ZYG11B: variants seen among roughly 807,000 people sequenced by gnomAD.
ZYG11B encodes the protein zyg-11 family member B, cell cycle regulator, also known as protein zyg-11 homolog B.
ZYG11B carries 36 observed loss-of-function variants against 82.4 expected under a neutral mutation model. The observed-to-expected ratio is 0.44, with a 90% confidence interval of 0.33 to 0.58. ZYG11B has a LOEUF of 0.58. Among genes scored for constraint, ZYG11B ranks in the 20% least tolerant of loss-of-function variants. The probability of loss-of-function intolerance (pLI) is 0.02; values close to 1 mark genes in which losing one functional copy is unlikely to be tolerated. For synonymous variants in ZYG11B, 303 were observed against 312.8 expected (o/e 0.97, Z 0.33); for missense variants, 552 against 895.6 (o/e 0.62, Z 4.90).
At position 52,824,256 on chromosome 1, in the gene ZYG11B, T is replaced by A. The variant is rs1396075377; in HGVS notation, c.*2627T>A. On this transcript the variant is annotated 3_prime_UTR_variant, in exon 14 of 14. Coordinates refer to ENST00000294353, the MANE Select transcript of ZYG11B (RefSeq NM_024646.3). ...ACTGCAGCCTCTTGGGCTTATGTGA[T>A]CTTACCCCCTCAGCCTCTGGAGTAG... 6.6e-6 allele frequency: 1 copy of A among 152,228 alleles called. No individual in the cohort carries two copies. The highest frequency in any genetic ancestry group is 2.4e-5 in the African/African-American group (1 of 41,460). 9.4% of individuals were successfully genotyped at this position (152,228 alleles called of 1,614,324 possible). A position where few individuals can be genotyped will look rare whatever the true frequency, so the allele number is the denominator to read the frequency against.
chr1:52,809,367 T>G (rs1302987307), intron 10 of ZYG11B, among the ~76,000 whole-genome samples: 1 of 152,138 alleles, frequency 6.6e-6, no homozygotes, highest in Non-Finnish European at 1.5e-5. Context: ...CACCATTCTA[T>G]TTTCTGTCTC....
At chr1:52,796,475 G>T (rs1011727037) in intron 7 of ZYG11B, 84 bp downstream of exon 7, 3 of 1,183,754 alleles carry the variant, frequency 2.5e-6, no homozygotes, top group Non-Finnish European at 3.7e-6. Flanking sequence ...CTGTGTGCCA[G>T]AAACATTAGT....
chr1:52,765,764 A>G (rs1414410359), intron 2 of ZYG11B, among the ~76,000 whole-genome samples: 1 of 151,962 alleles, frequency 6.6e-6, no homozygotes, highest in African/African-American at 2.4e-5. Context: ...CATCCTCCCA[A>G]AGTACTGGGA....
chr1:52,791,549 A>T (rs1396327149), intron 6 of ZYG11B, among the ~76,000 whole-genome samples: 1 of 150,402 alleles, frequency 6.6e-6, no homozygotes, highest in African/African-American at 2.4e-5. Context: ...TTGTATTTTT[A>T]GTAGAGATGG....
At chr1:52,803,121 C>CATATATATATATATAT (rs1183952286) in intron 10 of ZYG11B, among the ~76,000 whole-genome samples, 1 of 52,542 alleles carries the variant, frequency 1.9e-5, no homozygotes, top group Non-Finnish European at 3.2e-5. Flanking sequence ...TATATATACA[C>CATATATATATATATAT]ACATATATAT....
intron 10 of ZYG11B, among the ~76,000 whole-genome samples, chr1:52,807,885 A>G (rs1173865573): frequency 6.6e-6 from 1 of 152,158 alleles, no homozygotes; most frequent in Non-Finnish European, 1.5e-5. Flanking sequence ...GACTGAAAAC[A>G]TCTTTACTTA....
At chr1:52,812,024 A>G (rs7528327) in intron 10 of ZYG11B, among the ~76,000 whole-genome samples, 5,638 of 151,950 alleles carry the variant, frequency 0.037, 324 homozygotes, top group African/African-American at 0.13. Context: ...GCGAGACTCC[A>G]TCTAAAAAAA....
chr1:52,820,660 C>T (rs1645275014), intron 13 of ZYG11B, among the ~76,000 whole-genome samples: 1 of 143,096 alleles, frequency 7.0e-6, no homozygotes, highest in Non-Finnish European at 1.5e-5. Context: ...ATGATCACAC[C>T]ACTGGGCATG....
At chr1:52,783,615 T>C (rs1325832239) in intron 4 of ZYG11B, among the ~76,000 whole-genome samples, 2 of 149,442 alleles carry the variant, frequency 1.3e-5, no homozygotes, top group Non-Finnish European at 3.0e-5. Flanking sequence ...TCTTTCTTTT[T>C]TTTTTTTTTT....
In ZYG11B at chr1:52,743,798, C is replaced by T. The variant is rs573750782; in HGVS notation, c.31-12660C>T. ...AATAGTGTGCAGTAATGTCCTAGGC[C>T]TTCACATTCACTATCACTGATTCAA... is the stretch of plus-strand genomic sequence containing the variant. On this transcript the variant is annotated intron_variant, in intron 1 of 13. Transcript: ENST00000294353. Among the ~76,000 whole-genome samples, 34 of 152,256 alleles carry T rather than the reference C, an allele frequency of 2.2e-4. 1 individual carries two copies. The South Asian group carries it at 6.8e-3, about 31-fold the overall frequency.
chr1:52,771,906 A>G lies in ZYG11B; in HGVS notation c.951+132A>G. On this transcript the variant is annotated intron_variant, in intron 3 of 13. Transcript: ENST00000294353. The surrounding 1 kb of genome is among the most constrained non-coding windows in gnomAD (Gnocchi z 5.4). The stretch of plus-strand genomic sequence containing the variant: ...AGGGCTGCATATAGTTGAAAGGCTT[A>G]GAGTCCTAATTAAAATCTCAGCTTC... 5 of 1,118,304 alleles carry G rather than the reference A, an allele frequency of 4.5e-6. No homozygotes were observed. The highest frequency in any genetic ancestry group is 4.9e-5 in the East Asian group (2 of 40,632). 69.3% of individuals were successfully genotyped at this position (1,118,304 alleles called of 1,614,324 possible).
At chr1:52,816,211 T>C (rs1190538482) in intron 12 of ZYG11B, among the ~76,000 whole-genome samples, 1 of 152,194 alleles carries the variant, frequency 6.6e-6, no homozygotes, top group Non-Finnish European at 1.5e-5. Context: ...AGTTATCACC[T>C]AATTTCTCTA....
chr1:52,776,442 G>A (rs1644811146), intron 3 of ZYG11B, among the ~76,000 whole-genome samples: 1 of 149,190 alleles, frequency 6.7e-6, no homozygotes, highest in African/African-American at 2.5e-5. Context: ...GCTGAGGCAG[G>A]AGAATCACTT....
At chr1:52,783,788 T>TTA (rs760749281) in intron 4 of ZYG11B, among the ~76,000 whole-genome samples, 1,221 of 51,434 alleles carry the variant, frequency 0.024, 10 homozygotes, top group Non-Finnish European at 0.031. Context: ...ATGCCCAGCT[T>TTA]TATATATATA....
rs774257748 is a variant in ZYG11B at position 52,802,087 on chromosome 1, TAC to T, written c.1648-3_1648-2del. The T allele has an allele frequency of 4.4e-6, 7 of 1,604,766 alleles. No homozygotes were observed. The highest frequency in any genetic ancestry group is 3.4e-6 in the Non-Finnish European group (4 of 1,177,606). On this transcript the variant is annotated splice_region_variant and splice_polypyrimidine_tract_variant and intron_variant, in intron 9 of 13. Transcript: ENST00000294353. ...GTAATTATAGGTTTCTTTTTCTTTT[TAC>T]AGTCTTTCCCAACTGAGTCATCCAT...
rs1426025354 is a variant in ZYG11B at position 52,779,702 on chromosome 1, G to T, written c.952-151G>T. 15 of 801,132 alleles carry T rather than the reference G, an allele frequency of 1.9e-5. No individual in the cohort carries two copies. In the East Asian group the frequency reaches 4.0e-4, roughly 21 times the overall value. 49.6% of individuals were successfully genotyped at this position (801,132 alleles called of 1,614,324 possible). The stretch of plus-strand genomic sequence containing the variant: ...ATGGAGTTTCACCATGTTGGCCAGG[G>T]TGGTCTCGAACTCCTGACTTCACAT... On this transcript the variant is annotated intron_variant, in intron 3 of 13. Coordinates refer to ENST00000294353, the MANE Select transcript of ZYG11B (RefSeq NM_024646.3).
Position 52,771,902 on chromosome 1 carries a change from G to C in ZYG11B, c.951+128G>C. 1 of 1,147,588 alleles carries C rather than the reference G, an allele frequency of 8.7e-7. No individual in the cohort carries two copies. The highest frequency in any genetic ancestry group is 1.2e-6 in the Non-Finnish European group (1 of 818,246). The allele number at this position is 1,147,588 out of a possible 1,614,324, so 71.1% of individuals were successfully genotyped here. On this transcript the variant is annotated intron_variant, in intron 3 of 13. Coordinates refer to ENST00000294353, the MANE Select transcript of ZYG11B (RefSeq NM_024646.3). The surrounding 1 kb of genome is among the most constrained non-coding windows in gnomAD (Gnocchi z 5.4). ...AAACAGGGCTGCATATAGTTGAAAG[G>C]CTTAGAGTCCTAATTAAAATCTCAG...
At chr1:52,743,862 A>G (rs1383434919) in intron 1 of ZYG11B, among the ~76,000 whole-genome samples, 1 of 152,034 alleles carries the variant, frequency 6.6e-6, no homozygotes, top group Non-Finnish European at 1.5e-5. Flanking sequence ...TGCAAGCTCC[A>G]TTTATGTTAA....
chr1:52,803,191 C>A (rs867770338), intron 10 of ZYG11B, among the ~76,000 whole-genome samples: 1 of 69,290 alleles, frequency 1.4e-5, no homozygotes, highest in African/African-American at 1.0e-4. Flanking sequence ...TATATATACA[C>A]ATATATATAT....
Sources: allele counts gnomAD v4.1 joint callset (sites outside exome capture counted in the v4.1 genomes callset), GRCh38; gene constraint gnomAD v4.1.1; non-coding constraint Gnocchi (gnomAD v3.1); transcripts MANE v1.5; gene names NCBI Gene and HGNC (gene_info 2026-07-23, HGNC 2026-07-21).